The following ANGPT2 variants were observed in gnomAD, a reference collection of about 807,000 sequenced individuals.
ANGPT2 encodes angiopoietin-2.
In ANGPT2, 28 loss-of-function variants were observed where a neutral mutation model predicts 62.9. The ratio of observed to expected loss-of-function variants is 0.44; its 90% CI spans 0.33 to 0.61. The LOEUF (loss-of-function observed/expected upper bound fraction) is 0.61. Among genes scored for constraint, ANGPT2 ranks in the 20% least tolerant of loss-of-function variants. ANGPT2 has a pLI of 0.03. For synonymous variants in ANGPT2, 284 were observed against 207.8 expected, an observed-to-expected ratio of 1.37 and a Z score of -3.15; for missense variants, 727 against 594.9, an observed-to-expected ratio of 1.22 and a Z score of -2.31.
chr8:6,547,123 G>T (rs2129574547), intron 1 of ANGPT2, among the ~76,000 whole-genome samples: 1 of 151,538 alleles, frequency 6.6e-6, no homozygotes, highest in Middle Eastern at 3.4e-3. Flanking sequence ...CAAAACTCAT[G>T]TGGCCTATTT....
rs923241716 is a variant in ANGPT2, at chr8:6,507,095, G to T, written c.1327+1837C>A. ...GTATTTTTAGTAGAGATGGGGTTTTGCCATGTTGGCCAGGCTGGTCTCAAA... is the reference window on the plus strand; with the variant it reads ...GTATTTTTAGTAGAGATGGGGTTTTTCCATGTTGGCCAGGCTGGTCTCAAA... On this transcript the variant is annotated intron_variant, in intron 8 of 8. Transcript: ENST00000629816. 3.9e-4 allele frequency among the ~76,000 whole-genome samples: 59 copies of T among 152,048 alleles called. 1 individual carries two copies. Among genetic ancestry groups the T allele is most frequent in the African/African-American group, 1.3e-3 (55 of 41,498 alleles).
chr8:6,510,489 G>C (rs2129566500), intron 7 of ANGPT2, among the ~76,000 whole-genome samples: 1 of 152,340 alleles, frequency 6.6e-6, no homozygotes, highest in East Asian at 1.9e-4. Flanking sequence ...AAAGAAGAGA[G>C]AAAATGTTCT....
intron 2 of ANGPT2, among the ~76,000 whole-genome samples, chr8:6,529,471 A>C: frequency 7.8e-6 from 1 of 127,956 alleles, no homozygotes; most frequent in Admixed American, 8.0e-5. Flanking sequence ...TTTTTTTTTG[A>C]GACAGAGTCT....
chr8:6,553,207 G>C (rs1563115646), intron 1 of ANGPT2, among the ~76,000 whole-genome samples: 1 of 152,154 alleles, frequency 6.6e-6, no homozygotes, highest in Non-Finnish European at 1.5e-5. Flanking sequence ...ACGGAGGGGG[G>C]ATATGGGAAC....
Position 6,527,649 on chromosome 8 carries a change from G to A in ANGPT2, c.472C>T (p.Leu158Phe), listed in dbSNP as rs566633495. 3 of 1,613,868 alleles carry A rather than the reference G, an allele frequency of 1.9e-6. No homozygotes were observed. Among genetic ancestry groups the A allele is most frequent in the South Asian group, 1.1e-5 (1 of 91,066 alleles). Reference sequence around the variant, plus strand: ...GAGAGGGAGTGTTCCAAGAGCTGAAGTTCAAGTCTCGTGGTCTGATTTAAT... The same window carrying A: ...GAGAGGGAGTGTTCCAAGAGCTGAAATTCAAGTCTCGTGGTCTGATTTAAT... ...QVLNQTTRLE[L>F]QLLEHSLSTN... is the part of the protein sequence containing the mutation. Residue 158 changes from leucine (L) to phenylalanine (F), a missense_variant, in exon 3 of 9, where the codon CTT (leucine) becomes TTT (phenylalanine). By Grantham distance (22) the Leu-to-Phe change is conservative (BLOSUM62 0). Transcript: ENST00000629816.
In ANGPT2 at chr8:6,502,985, C is replaced by T; in HGVS notation, c.*116G>A. On this transcript the variant is annotated 3_prime_UTR_variant, in exon 9 of 9. Coordinates refer to ENST00000629816, the MANE Select transcript of ANGPT2 (RefSeq NM_001118887.2). Reference sequence around the variant, plus strand: ...CTGGAGCATGTGGGTCCCGTCAGCACCGAGCACACGCCCTCTGTGGTGGAA... The same window carrying T: ...CTGGAGCATGTGGGTCCCGTCAGCATCGAGCACACGCCCTCTGTGGTGGAA... 7.9e-7 allele frequency: 1 copy of T among 1,270,866 alleles called. No individual in the cohort carries two copies. The highest frequency in any genetic ancestry group is 1.4e-5 in the South Asian group (1 of 70,114). The allele number at this position is 1,270,866 out of a possible 1,614,324, so 78.7% of individuals were successfully genotyped here. A position where few individuals can be genotyped will look rare whatever the true frequency, so the allele number is the denominator to read the frequency against.
intron 1 of ANGPT2, among the ~76,000 whole-genome samples, chr8:6,547,705 G>A (rs1188696479): frequency 6.6e-6 from 1 of 152,066 alleles, no homozygotes; most frequent in Non-Finnish European, 1.5e-5. Context: ...CAGAGCTGCA[G>A]CAACACTGGT....
At chr8:6,562,037 C>T (rs1313244516) in intron 1 of ANGPT2, among the ~76,000 whole-genome samples, 1 of 152,180 alleles carries the variant, frequency 6.6e-6, no homozygotes, top group Non-Finnish European at 1.5e-5. Context: ...GAACTGTGCC[C>T]CTGTTTACAG....
At chr8:6,542,340 G>A (rs573642851) in intron 1 of ANGPT2, among the ~76,000 whole-genome samples, 26 of 152,092 alleles carry the variant, frequency 1.7e-4, no homozygotes, top group African/African-American at 6.3e-4. Flanking sequence ...GTATGTGTGT[G>A]TGTTTCAGTT....
At chr8:6,520,189 A>G (rs1452452201) in intron 4 of ANGPT2, among the ~76,000 whole-genome samples, 198 bp from the exon 5 acceptor site, 4 of 152,168 alleles carry the variant, frequency 2.6e-5, no homozygotes, top group African/African-American at 7.2e-5. Context: ...ATTAATACTT[A>G]CTTTTTGGTC....
At chr8:6,561,718 C>A (rs948958098) in intron 1 of ANGPT2, among the ~76,000 whole-genome samples, 8 of 152,120 alleles carry the variant, frequency 5.3e-5, no homozygotes, top group Non-Finnish European at 7.4e-5. Flanking sequence ...TATATATAGT[C>A]CATATAAAGA....
At chr8:6,530,387 T>G (rs567352232) in intron 2 of ANGPT2, among the ~76,000 whole-genome samples, 1 of 151,658 alleles carries the variant, frequency 6.6e-6, no homozygotes, top group East Asian at 2.0e-4. Flanking sequence ...CCTGCACCTG[T>G]AATCCCAGCT....
chr8:6,545,471 A>G (rs2442596), intron 1 of ANGPT2, among the ~76,000 whole-genome samples: 151,451 of 152,334 alleles, frequency 0.99, 75,293 homozygotes, highest in Middle Eastern at 1. Context: ...GTTTTCATCT[A>G]GGAGCACCTA....
intron 3 of ANGPT2, among the ~76,000 whole-genome samples, chr8:6,522,329 T>G (rs191857082): frequency 6.6e-6 from 1 of 151,546 alleles, no homozygotes; most frequent in Non-Finnish European, 1.5e-5. Context: ...CACTCCAGCC[T>G]GGGCGACAGA....
At chr8:6,505,166 A>G (rs960488720) in intron 8 of ANGPT2, among the ~76,000 whole-genome samples, 1 of 37,640 alleles carries the variant, frequency 2.7e-5, no homozygotes, top group East Asian at 2.7e-3. Flanking sequence ...TAAAAACTCT[A>G]TGCCAAAGAA....
chr8:6,539,405 C>T (rs954584593), intron 1 of ANGPT2, among the ~76,000 whole-genome samples: 6 of 152,048 alleles, frequency 3.9e-5, no homozygotes, highest in South Asian at 4.1e-4. Context: ...AGCTAAAGGC[C>T]GAGGGAGGGA....
intron 1 of ANGPT2, among the ~76,000 whole-genome samples, chr8:6,552,206 C>G (rs184965463): frequency 7.9e-5 from 12 of 152,308 alleles, no homozygotes; most frequent in African/African-American, 2.9e-4. Flanking sequence ...CATTTAGTTC[C>G]TGCCTTCTTC....
chr8:6,533,764 T>C (rs554815470), intron 1 of ANGPT2, among the ~76,000 whole-genome samples: 3 of 152,260 alleles, frequency 2.0e-5, no homozygotes, highest in East Asian at 3.9e-4. Context: ...TTTAAAAACT[T>C]AGAATTCTTT....
At chr8:6,535,274 T>C (rs1820276280) in intron 1 of ANGPT2, among the ~76,000 whole-genome samples, 1 of 152,204 alleles carries the variant, frequency 6.6e-6, no homozygotes. Context: ...TTTGCAACTC[T>C]CCAGAGATAT....
Sources: gnomAD v4.1 joint callset for allele counts (sites outside exome capture counted in the v4.1 genomes callset) on GRCh38, gnomAD v4.1.1 for gene constraint, MANE v1.5 for transcripts, NCBI Gene and HGNC (gene_info 2026-07-23, HGNC 2026-07-21) for gene names.